Variants in SPMAP2L observed in about 807,000 individuals in gnomAD.
SPMAP2L encodes sperm microtubule associated protein 2 like, also known as sperm microtubule associated protein 2-like.
chr4:56,594,161 G>C, the SPMAP2L span: 5 of 1,612,618 alleles, frequency 3.1e-6, no homozygotes, highest in East Asian at 1.1e-4. Flanking sequence ...TGAAAGCATG[G>C]GAGAGGAGTG....
the SPMAP2L span, among the ~76,000 whole-genome samples, chr4:56,585,505 AGCTGATTTTT>A: frequency 6.6e-6 from 1 of 152,024 alleles, no homozygotes; most frequent in African/African-American, 2.4e-5. Context: ...CACCACAATC[AGCTGATTTTT>A]ACATTTTTTG....
At chr4:56,588,476 G>T in the SPMAP2L span, among the ~76,000 whole-genome samples, 1 of 150,718 alleles carries the variant, frequency 6.6e-6, no homozygotes, top group Non-Finnish European at 1.5e-5. Context: ...TTGTTGCCCA[G>T]GCTGGAGTGC....
chr4:56,617,602 C>T, the SPMAP2L span, among the ~76,000 whole-genome samples: 7 of 152,164 alleles, frequency 4.6e-5, no homozygotes, highest in South Asian at 2.1e-4. Context: ...GTGCCGTTTA[C>T]AGCTGAAGAC....
the SPMAP2L span, among the ~76,000 whole-genome samples, chr4:56,566,480 A>T: frequency 1.3e-5 from 2 of 151,996 alleles, no homozygotes; most frequent in African/African-American, 2.4e-5. Flanking sequence ...TACAGGCATG[A>T]GCCACTGTGC....
chr4:56,550,837 G>A, the SPMAP2L span, among the ~76,000 whole-genome samples: 1 of 152,146 alleles, frequency 6.6e-6, no homozygotes, highest in East Asian at 1.9e-4. Context: ...AGCCCGGTAT[G>A]GTGTCCGTAG....
the SPMAP2L span, among the ~76,000 whole-genome samples, chr4:56,541,284 A>T: frequency 6.6e-6 from 1 of 152,208 alleles, no homozygotes; most frequent in Non-Finnish European, 1.5e-5. Flanking sequence ...ACAAATGTTT[A>T]TAATTGTATT....
chr4:56,605,677 G>A, the SPMAP2L span, among the ~76,000 whole-genome samples: 4,676 of 152,052 alleles, frequency 0.031, 152 homozygotes, highest in African/African-American at 0.079. Flanking sequence ...AAGACACTAG[G>A]GCTCCTCACC....
chr4:56,578,556 TA>T, the SPMAP2L span, among the ~76,000 whole-genome samples: 1 of 151,798 alleles, frequency 6.6e-6, no homozygotes, highest in Non-Finnish European at 1.5e-5. Flanking sequence ...AAAGACAGGA[TA>T]AAAAATGGAT....
the SPMAP2L span, among the ~76,000 whole-genome samples, chr4:56,531,701 G>C: frequency 6.6e-6 from 1 of 152,188 alleles, no homozygotes; most frequent in African/African-American, 2.4e-5. Context: ...GATATGCTCA[G>C]TCCTCACCAC....
chr4:56,573,786 C>A, the SPMAP2L span, among the ~76,000 whole-genome samples: 1 of 152,076 alleles, frequency 6.6e-6, no homozygotes, highest in African/African-American at 2.4e-5. Context: ...CCTCCAGCCC[C>A]CTCAAAAGAT....
At chr4:56,535,344 C>T in the SPMAP2L span, among the ~76,000 whole-genome samples, 1 of 152,182 alleles carries the variant, frequency 6.6e-6, no homozygotes, top group Admixed American at 6.5e-5. Context: ...GCGCCACACC[C>T]TGGGCCTGGT....
chr4:56,610,090 A>G, the SPMAP2L span, among the ~76,000 whole-genome samples: 3 of 152,208 alleles, frequency 2.0e-5, no homozygotes, highest in Non-Finnish European at 2.9e-5. Flanking sequence ...TCACAGAATT[A>G]GAAAAACAAT....
chr4:56,545,990 C>T, the SPMAP2L span, among the ~76,000 whole-genome samples: 7 of 152,090 alleles, frequency 4.6e-5, no homozygotes, highest in Admixed American at 6.6e-5. Flanking sequence ...GATGGGGTTT[C>T]GCCATGTTGG....
the SPMAP2L span, among the ~76,000 whole-genome samples, chr4:56,553,373 G>A: frequency 1.3e-5 from 2 of 151,160 alleles, no homozygotes; most frequent in Non-Finnish European, 3.0e-5. Flanking sequence ...AAATTTTTTT[G>A]TGGAGACGGG....
the SPMAP2L span, among the ~76,000 whole-genome samples, chr4:56,599,223 C>T: frequency 2.0e-5 from 3 of 151,970 alleles, no homozygotes; most frequent in African/African-American, 7.3e-5. Flanking sequence ...CACTCTCTCA[C>T]CCAGGCTGGA....
chr4:56,588,634 C>G, the SPMAP2L span, among the ~76,000 whole-genome samples: 1 of 152,112 alleles, frequency 6.6e-6, no homozygotes, highest in South Asian at 2.1e-4. Flanking sequence ...TTTCTCTATA[C>G]GGGTTAGGCT....
the SPMAP2L span, chr4:56,603,151 A>G: frequency 3.2e-6 from 4 of 1,261,802 alleles, no homozygotes; most frequent in Non-Finnish European, 4.4e-6. Flanking sequence ...CTTGAGAAAC[A>G]TTAGCTACCT....
At chr4:56,537,762 G>A in the SPMAP2L span, among the ~76,000 whole-genome samples, 74 of 151,474 alleles carry the variant, frequency 4.9e-4, no homozygotes, top group South Asian at 6.3e-3. Flanking sequence ...GCGCGATCTC[G>A]GCTCACTACA....
the SPMAP2L span, chr4:56,559,516 A>T: frequency 1.3e-6 from 2 of 1,509,370 alleles, no homozygotes; most frequent in Non-Finnish European, 1.8e-6. Context: ...CTATGTACCT[A>T]ACAGGTTAGT....
Sources: gnomAD v4.1 joint callset for allele counts (sites outside exome capture counted in the v4.1 genomes callset) on GRCh38, gnomAD v4.1.1 for gene constraint, MANE v1.5 for transcripts, NCBI Gene and HGNC (gene_info 2026-07-23, HGNC 2026-07-21) for gene names.